The following CAST variants were observed in gnomAD, a reference collection of about 807,000 sequenced individuals.
CAST encodes the protein calpastatin.
In CAST, 76 loss-of-function variants were observed where a neutral mutation model predicts 119.6. That is an observed-to-expected ratio of 0.64 (90% CI 0.53 to 0.77). The LOEUF (loss-of-function observed/expected upper bound fraction) is 0.77, where lower values mean the gene tolerates loss of function less well. Ranked by LOEUF, CAST falls within the 30% of genes least tolerant of loss-of-function variation. CAST has a pLI of 0.00. For synonymous variants in CAST, 319 were observed against 331.6 expected, an observed-to-expected ratio of 0.96 and a Z score of 0.41; for missense variants, 953 against 946.5, an observed-to-expected ratio of 1.01 and a Z score of -0.09.
the CAST span, among the ~76,000 whole-genome samples, chr5:96,248,871 A>G: frequency 6.6e-6 from 1 of 152,214 alleles, no homozygotes; most frequent in South Asian, 2.1e-4. Flanking sequence ...CAGATGTATT[A>G]TGAAAAATTA....
At chr5:96,210,227 C>G in the CAST span, 1 of 151,966 alleles carries the variant, frequency 6.6e-6, no homozygotes, top group Non-Finnish European at 1.5e-5. Context: ...AAAGAGAGCA[C>G]AAATCTAAGA....
intron 1 of CAST, among the ~76,000 whole-genome samples, chr5:96,665,279 A>G (rs1749171292): frequency 6.6e-6 from 1 of 152,222 alleles, no homozygotes; most frequent in South Asian, 2.1e-4. Context: ...AGCAGGTGAA[A>G]TTTGTGCTAA....
chr5:96,429,070 G>C, the CAST span: 1 of 593,114 alleles, frequency 1.7e-6, no homozygotes, highest in Non-Finnish European at 3.0e-6. Flanking sequence ...TTTATGGAAA[G>C]AAATTAGAAA....
At chr5:96,417,980 CA>C in the CAST span, among the ~76,000 whole-genome samples, 1 of 152,164 alleles carries the variant, frequency 6.6e-6, no homozygotes, top group Non-Finnish European at 1.5e-5. Flanking sequence ...CAAAAGAATC[CA>C]GTGCAGGTCT....
intron 1 of CAST, among the ~76,000 whole-genome samples, chr5:96,614,006 T>C (rs532118890): frequency 6.6e-5 from 10 of 152,198 alleles, no homozygotes; most frequent in Non-Finnish European, 1.5e-4. Flanking sequence ...ATGAGTTAGA[T>C]GTTTTATGTC....
the CAST span, among the ~76,000 whole-genome samples, chr5:96,279,271 C>A: frequency 2.6e-5 from 4 of 152,144 alleles, no homozygotes; most frequent in Non-Finnish European, 5.9e-5. Context: ...TTGAGGCCCA[C>A]TGTGGTGCTG....
chr5:96,393,045 G>A, the CAST span: 170 of 1,614,004 alleles, frequency 1.1e-4, no homozygotes, highest in South Asian at 1.3e-4. Context: ...TGAAGCAGCC[G>A]GTCGTCTCTG....
the CAST span, among the ~76,000 whole-genome samples, chr5:96,288,982 A>G: frequency 6.6e-6 from 1 of 152,118 alleles, no homozygotes; most frequent in Non-Finnish European, 1.5e-5. Context: ...GCAATTTTGC[A>G]ATCAATAGTT....
the CAST span, among the ~76,000 whole-genome samples, chr5:95,994,161 T>A: frequency 2.5e-3 from 384 of 152,242 alleles, 1 homozygote; most frequent in Non-Finnish European, 2.2e-3. Flanking sequence ...TCTCCTATTT[T>A]GTAGGTATTT....
At chr5:96,556,156 G>C (rs959392897) in intron 1 of CAST, among the ~76,000 whole-genome samples, 1 of 152,214 alleles carries the variant, frequency 6.6e-6, no homozygotes, top group Non-Finnish European at 1.5e-5. Flanking sequence ...GGTCCTGACT[G>C]TTAGAAGGAA....
intron 1 of CAST, among the ~76,000 whole-genome samples, chr5:96,557,658 T>C (rs1401826908): frequency 1.3e-5 from 2 of 152,168 alleles, no homozygotes; most frequent in Non-Finnish European, 2.9e-5. Flanking sequence ...GAGCTAACTG[T>C]CCTAAATATA....
At chr5:96,726,951 T>C in intron 5 of CAST, 92 bp downstream of exon 5, 1 of 851,194 alleles carries the variant, frequency 1.2e-6, no homozygotes, top group Non-Finnish European at 1.9e-6. Context: ...CACAGTCTTC[T>C]GTTAACACTG....
chr5:96,057,949 G>A, the CAST span, among the ~76,000 whole-genome samples: 6 of 152,106 alleles, frequency 3.9e-5, no homozygotes, highest in Admixed American at 6.6e-5. Flanking sequence ...TATGGTAGAA[G>A]AACAATCTTC....
At chr5:96,003,074 C>T in the CAST span, among the ~76,000 whole-genome samples, 3 of 151,738 alleles carry the variant, frequency 2.0e-5, no homozygotes, top group Admixed American at 2.0e-4. Flanking sequence ...CATCTCTAAA[C>T]ACAAAATAAA....
chr5:96,031,176 A>T, the CAST span, among the ~76,000 whole-genome samples: 1 of 150,770 alleles, frequency 6.6e-6, no homozygotes. Context: ...TATTTATCAG[A>T]TTTAATAAAC....
chr5:96,188,787 G>A, the CAST span, among the ~76,000 whole-genome samples: 1 of 152,130 alleles, frequency 6.6e-6, no homozygotes, highest in Non-Finnish European at 1.5e-5. Flanking sequence ...TGGAGTTGAA[G>A]AAGGTGCTAG....
chr5:96,475,736 G>A, the CAST span, among the ~76,000 whole-genome samples: 19 of 152,200 alleles, frequency 1.2e-4, no homozygotes, highest in Non-Finnish European at 2.1e-4. Flanking sequence ...ATTGGCAATG[G>A]TTTGGGGATG....
At chr5:96,061,668 C>CGTGTGT in the CAST span, among the ~76,000 whole-genome samples, 1 of 147,360 alleles carries the variant, frequency 6.8e-6, no homozygotes, top group African/African-American at 2.6e-5. Flanking sequence ...TGTGTGTGTG[C>CGTGTGT]GTGTGTGTGT....
the CAST span, among the ~76,000 whole-genome samples, chr5:96,109,722 G>T: frequency 6.6e-6 from 1 of 152,174 alleles, no homozygotes; most frequent in Non-Finnish European, 1.5e-5. Context: ...GTGGGTGGAG[G>T]ATTTATTTGA....
Sources: allele counts gnomAD v4.1 joint callset (sites outside exome capture counted in the v4.1 genomes callset), GRCh38; gene constraint gnomAD v4.1.1; transcripts MANE v1.5; gene names NCBI Gene and HGNC (gene_info 2026-07-23, HGNC 2026-07-21).